Variants in SIPA1L2 observed in about 807,000 individuals in gnomAD.
SIPA1L2 encodes the protein signal-induced proliferation-associated 1-like protein 2.
A neutral mutation model predicts 163.9 loss-of-function variants in SIPA1L2; 56 were observed. The observed-to-expected ratio is 0.34, with a 90% CI of 0.28 to 0.43. The LOEUF is 0.43. Ranked by LOEUF, SIPA1L2 falls within the 20% of genes least tolerant of loss-of-function variation. SIPA1L2 has a pLI of 1.00. For missense variants in SIPA1L2, 1,974 were observed against 2,193.5 expected, an observed-to-expected ratio of 0.90 and a Z score of 2.00; for synonymous variants, 877 against 865.7, an observed-to-expected ratio of 1.01 and a Z score of -0.23.
At chr1:232,438,120 A>AG (rs1468007892) in intron 15 of SIPA1L2, among the ~76,000 whole-genome samples, 1 of 152,068 alleles carries the variant, frequency 6.6e-6, no homozygotes. Flanking sequence ...TGGTGGGGTG[A>AG]GGGGGGACTT....
At chr1:232,403,940 G>A (rs1660494697) in intron 20 of SIPA1L2, among the ~76,000 whole-genome samples, 185 bp downstream of exon 20, 1 of 152,160 alleles carries the variant, frequency 6.6e-6, no homozygotes, top group South Asian at 2.1e-4. Context: ...CAAAGGAGAG[G>A]GACCTCTCTC....
At chr1:232,605,597 G>A (rs1187298483) in intron 1 of SIPA1L2, among the ~76,000 whole-genome samples, 2 of 152,210 alleles carry the variant, frequency 1.3e-5, no homozygotes, top group African/African-American at 2.4e-5. Flanking sequence ...GGGAGGTTGA[G>A]GCAGGAGAAT....
intron 12 of SIPA1L2, 50 bp from the exon 13 acceptor site, chr1:232,441,918 C>T: frequency 6.7e-7 from 1 of 1,494,108 alleles, no homozygotes; most frequent in Non-Finnish European, 9.2e-7. Context: ...GTGCCACCTG[C>T]CAGCATGCAC....
rs1039119304 is a variant in SIPA1L2, at chr1:232,398,282, C to T, written c.*845G>A. ...AGCTTCTGTACAAAGATAAACAAAT[C>T]TGGCATTGTACAAGTGGTTCCGCTG... On this transcript the variant is annotated 3_prime_UTR_variant, in exon 23 of 23. Transcript: ENST00000674635. The T allele has an allele frequency of 6.6e-6, 1 of 152,588 alleles. No homozygotes were observed. The highest frequency in any genetic ancestry group is 2.4e-5 in the African/African-American group (1 of 41,432). 9.5% of individuals were successfully genotyped at this position (152,588 alleles called of 1,614,324 possible).
chr1:232,551,691 C>T (rs1048191547), intron 2 of SIPA1L2, among the ~76,000 whole-genome samples: 1 of 152,156 alleles, frequency 6.6e-6, no homozygotes, highest in African/African-American at 2.4e-5. Flanking sequence ...GGAAGGGTTG[C>T]GCTGGAGCAA....
At chr1:232,609,841 A>G (rs2102872134) in intron 1 of SIPA1L2, among the ~76,000 whole-genome samples, 1 of 151,890 alleles carries the variant, frequency 6.6e-6, no homozygotes, top group East Asian at 1.9e-4. Flanking sequence ...AAAAAAAAAA[A>G]AAAAGAAAAA....
chr1:232,556,972 T>C (rs1658747869), intron 2 of SIPA1L2, among the ~76,000 whole-genome samples: 2 of 152,082 alleles, frequency 1.3e-5, no homozygotes, highest in African/African-American at 2.4e-5. Context: ...CAGTCAAGAA[T>C]GGAGAGAGAA....
At chr1:232,533,474 T>G (rs1394400907) in intron 2 of SIPA1L2, among the ~76,000 whole-genome samples, 1 of 152,236 alleles carries the variant, frequency 6.6e-6, no homozygotes. Flanking sequence ...AAAGGTGGAC[T>G]GCAGCTATCA....
intron 8 of SIPA1L2, 111 bp downstream of exon 8, chr1:232,471,260 T>C (rs1664783921): frequency 7.5e-6 from 9 of 1,205,606 alleles, no homozygotes; most frequent in South Asian, 1.4e-5. Context: ...TCTGAGTAAT[T>C]AGAAAATCAC....
At chr1:232,522,532 A>G (rs1425536921) in intron 2 of SIPA1L2, among the ~76,000 whole-genome samples, 1 of 149,050 alleles carries the variant, frequency 6.7e-6, no homozygotes, top group African/African-American at 2.5e-5. Context: ...GTTACACCAG[A>G]CTATTCTATA....
At chr1:232,417,753 T>C (rs1263230998) in intron 18 of SIPA1L2, among the ~76,000 whole-genome samples, 3 of 152,250 alleles carry the variant, frequency 2.0e-5, no homozygotes, top group Non-Finnish European at 4.4e-5. Context: ...CATATGCTGC[T>C]TTGCTCAAGG....
At chr1:232,446,157 A>C (rs867627122) in intron 10 of SIPA1L2, among the ~76,000 whole-genome samples, 1 of 152,140 alleles carries the variant, frequency 6.6e-6, no homozygotes, top group Non-Finnish European at 1.5e-5. Flanking sequence ...CCCCCAATAC[A>C]CAGCTAAAAA....
intron 2 of SIPA1L2, among the ~76,000 whole-genome samples, chr1:232,573,076 C>T (rs1312627719): frequency 6.6e-6 from 1 of 152,032 alleles, no homozygotes; most frequent in African/African-American, 2.4e-5. Context: ...TCACTGTGCC[C>T]GGCCCCCCAA....
chr1:232,554,250 G>C (rs189565288), intron 2 of SIPA1L2, among the ~76,000 whole-genome samples: 63 of 152,314 alleles, frequency 4.1e-4, no homozygotes, highest in Admixed American at 3.2e-3. Context: ...AACCAGAAGA[G>C]AAGGACAAAT....
At chr1:232,481,412 G>A (rs1665349667) in intron 6 of SIPA1L2, among the ~76,000 whole-genome samples, 1 of 152,126 alleles carries the variant, frequency 6.6e-6, no homozygotes. Flanking sequence ...GAGAAATGCT[G>A]ACTGATATTA....
intron 1 of SIPA1L2, among the ~76,000 whole-genome samples, chr1:232,618,673 CTT>C (rs1558308321): frequency 2.0e-5 from 3 of 149,664 alleles, no homozygotes; most frequent in African/African-American, 4.9e-5. Flanking sequence ...AAAAAAAACT[CTT>C]GTTACTCCGC....
intron 2 of SIPA1L2, among the ~76,000 whole-genome samples, chr1:232,523,288 CTG>C (rs761550880): frequency 6.6e-6 from 1 of 152,120 alleles, no homozygotes; most frequent in Non-Finnish European, 1.5e-5. Flanking sequence ...AGAAGAACAG[CTG>C]TGAGTATTGA....
intron 2 of SIPA1L2, among the ~76,000 whole-genome samples, chr1:232,539,860 G>T (rs1280238130): frequency 1.3e-5 from 2 of 152,160 alleles, no homozygotes; most frequent in African/African-American, 4.8e-5. Flanking sequence ...TTTTCATTAC[G>T]CATTTTTTCT....
intron 1 of SIPA1L2, among the ~76,000 whole-genome samples, chr1:232,617,543 T>G (rs1050304217): frequency 6.6e-6 from 1 of 152,138 alleles, no homozygotes; most frequent in African/African-American, 2.4e-5. Context: ...ATAAATAAAT[T>G]ATGCTGAATT....
Sources: gnomAD v4.1 joint callset for allele counts (sites outside exome capture counted in the v4.1 genomes callset) on GRCh38, gnomAD v4.1.1 for gene constraint, MANE v1.5 for transcripts, NCBI Gene and HGNC (gene_info 2026-07-23, HGNC 2026-07-21) for gene names.